Variants in EIF4ENIF1 observed in about 807,000 individuals in gnomAD.
The protein encoded by EIF4ENIF1 is eukaryotic translation initiation factor 4E nuclear import factor 1.
A neutral mutation model predicts 110.5 loss-of-function variants in EIF4ENIF1; 23 were observed. The ratio of observed to expected loss-of-function variants is 0.21; its 90% CI spans 0.15 to 0.29. The LOEUF (loss-of-function observed/expected upper bound fraction) is 0.29, where lower values mean the gene tolerates loss of function less well. Ranked by LOEUF, EIF4ENIF1 falls within the 10% of genes least tolerant of loss-of-function variation. The probability of loss-of-function intolerance (pLI) is 1.00; values close to 1 mark genes in which losing one functional copy is unlikely to be tolerated. For synonymous variants in EIF4ENIF1, 440 were observed against 437.0 expected, an observed-to-expected ratio of 1.01 and a Z score of -0.09; for missense variants, 1,031 against 1,221.1, an observed-to-expected ratio of 0.84 and a Z score of 2.32.
chr22:31,476,048 A>AT (rs2146055844), intron 2 of EIF4ENIF1, among the ~76,000 whole-genome samples: 1 of 152,198 alleles, frequency 6.6e-6, no homozygotes, highest in East Asian at 1.9e-4. Flanking sequence ...AGGGCTTAAA[A>AT]TTTTTCTAGT....
chr22:31,442,782 A>G (rs1043310515), intron 16 of EIF4ENIF1, among the ~76,000 whole-genome samples, 180 bp downstream of exon 16: 6 of 152,202 alleles, frequency 3.9e-5, no homozygotes, highest in Non-Finnish European at 5.9e-5. Flanking sequence ...AGCAATTGTG[A>G]GCTGGCCCAA....
At chr22:31,462,399 C>T (rs993060378) in intron 6 of EIF4ENIF1, among the ~76,000 whole-genome samples, 3 of 151,602 alleles carry the variant, frequency 2.0e-5, no homozygotes, top group Non-Finnish European at 4.4e-5. Flanking sequence ...AGGGAAGAAT[C>T]GCTTGAACCA....
At chr22:31,478,605 C>T (rs576039631) in intron 2 of EIF4ENIF1, among the ~76,000 whole-genome samples, 1 of 151,268 alleles carries the variant, frequency 6.6e-6, no homozygotes, top group East Asian at 1.9e-4. Flanking sequence ...ATCACGAGGT[C>T]ACGAGATCGA....
Position 31,456,127 on chromosome 22 carries a change from T to C in EIF4ENIF1, c.964-140A>G, listed in dbSNP as rs1031871196. On this transcript the variant is annotated intron_variant, in intron 7 of 18. Coordinates refer to ENST00000330125, the MANE Select transcript of EIF4ENIF1 (RefSeq NM_019843.4). ...GATAAATACTCTCAGAACCTAGGAATTTGAACACCTTTTTCTTCCTCCATC... is the reference window on the plus strand; with the variant it reads ...GATAAATACTCTCAGAACCTAGGAACTTGAACACCTTTTTCTTCCTCCATC... 19 of 811,200 alleles carry C rather than the reference T, an allele frequency of 2.3e-5. 2 individuals carry two copies. Among genetic ancestry groups the C allele is most frequent in the Non-Finnish European group, 2.0e-5 (11 of 545,886 alleles). The allele number at this position is 811,200 out of a possible 1,614,324, so 50.3% of individuals were successfully genotyped here.
intron 7 of EIF4ENIF1, among the ~76,000 whole-genome samples, chr22:31,456,780 A>G (rs1181195565): frequency 6.6e-6 from 1 of 152,216 alleles, no homozygotes; most frequent in East Asian, 1.9e-4. Flanking sequence ...TTGGCCTCCC[A>G]AAGTGCTGGG....
chr22:31,455,421 T>TG, intron 8 of EIF4ENIF1, 106 bp from the exon 9 acceptor site: 3 of 1,030,516 alleles, frequency 2.9e-6, no homozygotes, highest in Non-Finnish European at 3.9e-6. Flanking sequence ...TTCTTTGAGA[T>TG]GGAGTTTCGC....
intron 4 of EIF4ENIF1, among the ~76,000 whole-genome samples, chr22:31,466,426 A>G (rs903948792): frequency 6.6e-6 from 1 of 150,460 alleles, no homozygotes; most frequent in Non-Finnish European, 1.5e-5. Context: ...GGGGGGAAAA[A>G]AAAATTAGCT....
At chr22:31,479,408 T>G in intron 2 of EIF4ENIF1, 1 of 152,148 alleles carries the variant, frequency 6.6e-6, no homozygotes, top group Admixed American at 6.6e-5. Flanking sequence ...TTCATGAATT[T>G]GCGTGTCATC....
At chr22:31,493,476 C>T (rs2052299875), upstream of EIF4ENIF1, among the ~76,000 whole-genome samples, 1 of 152,146 alleles carries the variant, frequency 6.6e-6, no homozygotes, top group Non-Finnish European at 1.5e-5. Context: ...CAGGCCTGTG[C>T]CACCACACCT....
At chr22:31,469,872 T>C (rs750893600) in intron 3 of EIF4ENIF1, among the ~76,000 whole-genome samples, 6 of 152,070 alleles carry the variant, frequency 3.9e-5, no homozygotes, top group Non-Finnish European at 7.4e-5. Context: ...TTTAAAAATA[T>C]ATTTTGTAGG....
intron 2 of EIF4ENIF1, among the ~76,000 whole-genome samples, chr22:31,487,779 C>T (rs2052097767): frequency 7.0e-6 from 1 of 143,746 alleles, no homozygotes. Context: ...GACAAAGTGA[C>T]GCCCTGTCGG....
At chr22:31,477,312 A>G (rs917380898) in intron 2 of EIF4ENIF1, among the ~76,000 whole-genome samples, 5 of 139,770 alleles carry the variant, frequency 3.6e-5, no homozygotes, top group Admixed American at 1.6e-4. Context: ...AGTTGCAGTA[A>G]GCTGAGATTC....
upstream of EIF4ENIF1, among the ~76,000 whole-genome samples, chr22:31,490,613 G>C (rs778965137): frequency 6.6e-6 from 1 of 152,224 alleles, no homozygotes; most frequent in East Asian, 1.9e-4. Context: ...GGAAGTGCGA[G>C]TGGAGTTGGG....
intron 2 of EIF4ENIF1, 78 bp downstream of exon 2, chr22:31,488,545 T>C: frequency 7.0e-6 from 11 of 1,576,860 alleles, no homozygotes; most frequent in Non-Finnish European, 9.5e-6. Context: ...TACCACTTAA[T>C]AGGAATGAAA....
intron 2 of EIF4ENIF1, among the ~76,000 whole-genome samples, chr22:31,473,564 T>G (rs1309042951): frequency 6.6e-6 from 1 of 152,228 alleles, no homozygotes; most frequent in Non-Finnish European, 1.5e-5. Flanking sequence ...GTGACATTTC[T>G]AGAAAATATA....
Position 31,442,058 on chromosome 22 carries a change from T to C in EIF4ENIF1, c.2267A>G (p.Asn756Ser), listed in dbSNP as rs765037809. The change falls in exon 17 of 19, where the codon AAT becomes AGT. Residue 756 changes from asparagine to serine, a missense_variant. Asn to Ser is a conservative substitution (Grantham distance 46). This residue lies in a region of EIF4ENIF1 where 309 missense variants were observed against 299.1 expected (regional missense o/e 1.03). Transcript: ENST00000330125. ...CCTCTGTAATGCTGACAGTTTGGAA[T>C]TTGTAGTGGGAGAAGAGTCTCGATC... ...SADRDSSPTT[N>S]SKLSALQRSS... The C allele has an allele frequency of 2.3e-5, 37 of 1,613,992 alleles. No homozygotes were observed. In the Middle Eastern group the frequency reaches 6.6e-4, roughly 29 times the overall value.
intron 10 of EIF4ENIF1, among the ~76,000 whole-genome samples, chr22:31,452,882 A>G (rs2050716516): frequency 6.6e-6 from 1 of 152,134 alleles, no homozygotes; most frequent in South Asian, 2.1e-4. Flanking sequence ...CAGTCCTGGC[A>G]CTAAGGAATA....
At position 31,483,712 on chromosome 22, in the gene EIF4ENIF1, A is replaced by G. The variant is rs572663302; in HGVS notation, c.96+4911T>C. Among the ~76,000 whole-genome samples, 3 of 152,254 alleles carry G rather than the reference A, an allele frequency of 2.0e-5. No individual in the cohort carries two copies. In the South Asian group the frequency reaches 6.2e-4, roughly 32 times the overall value. On this transcript the variant is annotated intron_variant, in intron 2 of 18. Coordinates refer to ENST00000330125, the MANE Select transcript of EIF4ENIF1 (RefSeq NM_019843.4). ...GAGCACACTTTGAGAACCACTGTCT[A>G]AACCACTCTTAAACCATAACTTTCA...
intron 7 of EIF4ENIF1, among the ~76,000 whole-genome samples, chr22:31,456,386 G>A (rs1254207699): frequency 2.0e-5 from 3 of 151,590 alleles, no homozygotes; most frequent in Admixed American, 2.0e-4. Flanking sequence ...ACCACGCCCG[G>A]CTAATTTTTT....
Sources: allele counts gnomAD v4.1 joint callset (sites outside exome capture counted in the v4.1 genomes callset), GRCh38; gene constraint gnomAD v4.1.1; regional missense constraint gnomAD v4.1.1; transcripts MANE v1.5; gene names NCBI Gene and HGNC (gene_info 2026-07-23, HGNC 2026-07-21).